The following NCAM2 variants were observed in gnomAD, a reference collection of about 807,000 sequenced individuals.
NCAM2 encodes N-CAM-2.
A neutral mutation model predicts 98.1 loss-of-function variants in NCAM2; 30 were observed. That is an observed-to-expected ratio of 0.31 (90% CI 0.23 to 0.41). The LOEUF is 0.41. Among genes scored for constraint, NCAM2 ranks in the 10% least tolerant of loss-of-function variants. The pLI, the probability that NCAM2 is intolerant of heterozygous loss-of-function variation, is 1.00. For missense variants in NCAM2, 867 were observed against 1,005.8 expected, an observed-to-expected ratio of 0.86 and a Z score of 1.87; for synonymous variants, 368 against 342.4, an observed-to-expected ratio of 1.07 and a Z score of -0.83.
intron 1 of NCAM2, among the ~76,000 whole-genome samples, chr21:21,094,453 A>C (rs2066075753): frequency 6.6e-6 from 1 of 151,872 alleles, no homozygotes. Context: ...CTAAAAGCTA[A>C]ACAATATACT....
chr21:21,084,180 A>T (rs1569005287), intron 1 of NCAM2, among the ~76,000 whole-genome samples: 2 of 152,126 alleles, frequency 1.3e-5, no homozygotes, highest in Non-Finnish European at 1.5e-5. Flanking sequence ...TTCAAAAAAG[A>T]GTGCTCATCT....
chr21:21,064,601 AG>A (rs1471183291), intron 1 of NCAM2, among the ~76,000 whole-genome samples: 39 of 152,156 alleles, frequency 2.6e-4, no homozygotes, highest in Non-Finnish European at 5.9e-5. Flanking sequence ...CTTGCCCCTC[AG>A]GGTTCATCAC....
rs1980202299 is a variant in NCAM2, at chr21:21,446,692, C to T, written c.1654+14411C>T. Among the ~76,000 whole-genome samples, 2 of 152,064 alleles carry T rather than the reference C, an allele frequency of 1.3e-5. 1 individual carries two copies. ...AAAATGCCCTTAATCTGATAAGAAACTTCAGCAGACTCTGAGGATAAAAAA... is the reference window on the plus strand; with the variant it reads ...AAAATGCCCTTAATCTGATAAGAAATTTCAGCAGACTCTGAGGATAAAAAA... On this transcript the variant is annotated intron_variant, in intron 12 of 17. Transcript: ENST00000400546.
At chr21:21,463,756 G>A (rs966893123) in intron 12 of NCAM2, 95 of 152,196 alleles carry the variant, frequency 6.2e-4, no homozygotes, top group African/African-American at 2.1e-3. Context: ...ACTCCTCATA[G>A]CGCCTGTGAA....
chr21:21,317,136 G>A (rs1237136362), intron 5 of NCAM2, among the ~76,000 whole-genome samples: 1 of 152,150 alleles, frequency 6.6e-6, no homozygotes, highest in Non-Finnish European at 1.5e-5. Flanking sequence ...GTACTGCTGA[G>A]TGACATCACG....
At chr21:21,038,323 G>GA (rs1266858607) in intron 1 of NCAM2, among the ~76,000 whole-genome samples, 2 of 152,094 alleles carry the variant, frequency 1.3e-5, no homozygotes, top group Non-Finnish European at 2.9e-5. Flanking sequence ...TTCTATGAAA[G>GA]AAAAAACATA....
At position 21,013,781 on chromosome 21, in the gene NCAM2, C is replaced by CAA. The variant is rs58879508; in HGVS notation, c.55+15175_55+15176dup. 4.7e-3 allele frequency among the ~76,000 whole-genome samples: 664 copies of CAA among 140,210 alleles called. 10 individuals are homozygous for CAA. The highest frequency in any genetic ancestry group is 0.017 in the African/African-American group (654 of 38,140). The allele number at this position is 140,210 out of a possible 152,430, so 92.0% of individuals were successfully genotyped here. A position where few individuals can be genotyped will look rare whatever the true frequency, so the allele number is the denominator to read the frequency against. ...GGGCAAAAAGAGTGAAACTGCATCT[C>CAA]AAAAAAAAAAAAAGAAAATAAAAAA... On this transcript the variant is annotated intron_variant, in intron 1 of 17. Coordinates refer to ENST00000400546, the MANE Select transcript of NCAM2 (RefSeq NM_004540.5).
intron 4 of NCAM2, among the ~76,000 whole-genome samples, chr21:21,291,601 CT>C (rs1306282575): frequency 6.6e-6 from 1 of 151,654 alleles, no homozygotes; most frequent in African/African-American, 2.4e-5. Context: ...GAGATATAAT[CT>C]TTTTTATATC....
At position 21,292,342 on chromosome 21, in the gene NCAM2, A is replaced by G. The variant is rs566983233; in HGVS notation, c.619+101A>G. 4 of 1,154,890 alleles carry G rather than the reference A, an allele frequency of 3.5e-6. No individual in the cohort carries two copies. In the East Asian group the frequency reaches 7.5e-5, roughly 22 times the overall value. The allele number at this position is 1,154,890 out of a possible 1,614,324, so 71.5% of individuals were successfully genotyped here. A position where few individuals can be genotyped will look rare whatever the true frequency, so the allele number is the denominator to read the frequency against. On this transcript the variant is annotated intron_variant, in intron 5 of 17. Transcript: ENST00000400546. ...ACTCAAAATACAAGTCTTATCTAAT[A>G]AACCTCTTCTATACCAGGAAGAAAT...
At chr21:21,349,201 G>C (rs2075270535) in intron 8 of NCAM2, among the ~76,000 whole-genome samples, 1 of 152,010 alleles carries the variant, frequency 6.6e-6, no homozygotes, top group Non-Finnish European at 1.5e-5. Flanking sequence ...GGATTAACCA[G>C]AATATATATG....
chr21:21,206,938 C>T (rs2069458560), intron 1 of NCAM2, among the ~76,000 whole-genome samples: 1 of 151,920 alleles, frequency 6.6e-6, no homozygotes, highest in African/African-American at 2.4e-5. Flanking sequence ...ATAATTTGCC[C>T]ATGGGTGAAG....
At position 21,257,644 on chromosome 21, in the gene NCAM2, G is replaced by A. The variant is rs540877596; in HGVS notation, c.56-22934G>A. 9.9e-5 allele frequency among the ~76,000 whole-genome samples: 15 copies of A among 151,926 alleles called. No homozygotes were observed. In the East Asian group the frequency reaches 1.9e-3, roughly 20 times the overall value. ...AGAGTCTTGCTCTGAGTCCAGTGGC[G>A]CAGTCTCTGCTCACTGCAACCTCTG... On this transcript the variant is annotated intron_variant, in intron 1 of 17. Transcript: ENST00000400546.
intron 8 of NCAM2, among the ~76,000 whole-genome samples, chr21:21,368,628 A>G (rs1032006950): frequency 1.3e-5 from 2 of 151,812 alleles, no homozygotes; most frequent in African/African-American, 2.4e-5. Context: ...GTGTTCTTAT[A>G]TGGTGCATGG....
chr21:21,024,118 A>G (rs1271166254), intron 1 of NCAM2, among the ~76,000 whole-genome samples: 2 of 152,236 alleles, frequency 1.3e-5, no homozygotes, highest in African/African-American at 4.8e-5. Flanking sequence ...CATATAAGTG[A>G]TGAAATGTGA....
At chr21:21,203,832 G>T (rs1309575991) in intron 1 of NCAM2, among the ~76,000 whole-genome samples, 1 of 152,048 alleles carries the variant, frequency 6.6e-6, no homozygotes, top group African/African-American at 2.4e-5. Flanking sequence ...GGTCCAGATT[G>T]GTTAGTTTAT....
Position 21,489,546 on chromosome 21 carries a change from T to C in NCAM2, c.2077+12075T>C, listed in dbSNP as rs548296344. 3.3e-5 allele frequency among the ~76,000 whole-genome samples: 5 copies of C among 152,242 alleles called. No individual in the cohort carries two copies. In the South Asian group the frequency reaches 1.0e-3, roughly 32 times the overall value. ...TATGTTTCTGTTCATTGTTTGTAAATTTTAAAATACTAACCTTTGTGGTAT... is the reference window on the plus strand; with the variant it reads ...TATGTTTCTGTTCATTGTTTGTAAACTTTAAAATACTAACCTTTGTGGTAT... On this transcript the variant is annotated intron_variant, in intron 15 of 17. Coordinates refer to ENST00000400546, the MANE Select transcript of NCAM2 (RefSeq NM_004540.5).
At chr21:21,354,113 G>A (rs1463895905) in intron 8 of NCAM2, among the ~76,000 whole-genome samples, 1 of 151,998 alleles carries the variant, frequency 6.6e-6, no homozygotes, top group Non-Finnish European at 1.5e-5. Context: ...TAAATATAAA[G>A]TGCTTATTAT....
intron 15 of NCAM2, among the ~76,000 whole-genome samples, chr21:21,505,598 A>T (rs541349564): frequency 2.6e-5 from 4 of 151,570 alleles, no homozygotes; most frequent in East Asian, 1.9e-4. Context: ...CTGAATTATT[A>T]AAAAAAAACT....
chr21:21,166,340 C>T (rs1424272814), intron 1 of NCAM2, among the ~76,000 whole-genome samples: 2 of 151,876 alleles, frequency 1.3e-5, no homozygotes, highest in Non-Finnish European at 2.9e-5. Context: ...CCTGAGTAGC[C>T]GGGATTACAG....
Sources: gnomAD v4.1 joint callset for allele counts (sites outside exome capture counted in the v4.1 genomes callset) on GRCh38, gnomAD v4.1.1 for gene constraint, MANE v1.5 for transcripts, NCBI Gene and HGNC (gene_info 2026-07-23, HGNC 2026-07-21) for gene names.